The following FAM184B variants were observed in gnomAD, a reference collection of about 807,000 sequenced individuals.
The protein encoded by FAM184B is family with sequence similarity 184 member B, also known as protein FAM184B.
FAM184B carries 111 observed loss-of-function variants against 135.9 expected under a neutral mutation model. That is an observed-to-expected ratio of 0.82 (90% CI 0.70 to 0.96). The LOEUF is 0.96. Ranked by LOEUF, FAM184B falls within the 40% of genes least tolerant of loss-of-function variation. The pLI is 0.00. For synonymous variants in FAM184B, 552 were observed against 524.8 expected (o/e 1.05, Z -0.71); for missense variants, 1,375 against 1,323.9 (o/e 1.04, Z -0.60).
chr4:17,669,133 A>C (rs1475522958), intron 7 of FAM184B, among the ~76,000 whole-genome samples: 2 of 152,216 alleles, frequency 1.3e-5, no homozygotes, highest in African/African-American at 4.8e-5. Context: ...GCTGTTTGAC[A>C]TGAACTGGTC....
chr4:17,762,285 A>T (rs906369211), intron 1 of FAM184B, among the ~76,000 whole-genome samples: 1 of 152,196 alleles, frequency 6.6e-6, no homozygotes. Context: ...TGAGTTTCAG[A>T]CTCAGAAAAG....
intron 6 of FAM184B, 147 bp from the exon 7 acceptor site, chr4:17,688,678 GC>G: frequency 4.8e-6 from 1 of 208,804 alleles, no homozygotes; most frequent in South Asian, 1.2e-4. Context: ...TTCTAGAAAT[GC>G]CTTTTTTTTT....
chr4:17,662,590 G>A (rs529753119), intron 8 of FAM184B, among the ~76,000 whole-genome samples: 3 of 152,276 alleles, frequency 2.0e-5, no homozygotes, highest in East Asian at 3.9e-4. Flanking sequence ...CACCGGCCTC[G>A]GCCTCCCAAA....
intron 1 of FAM184B, among the ~76,000 whole-genome samples, chr4:17,759,621 T>G (rs1718497693): frequency 6.6e-6 from 1 of 152,000 alleles, no homozygotes; most frequent in Non-Finnish European, 1.5e-5. Context: ...GCCTCCCGAG[T>G]AGCTGAGATT....
At chr4:17,659,578 C>T (rs1408126549) in intron 9 of FAM184B, among the ~76,000 whole-genome samples, 1 of 152,088 alleles carries the variant, frequency 6.6e-6, no homozygotes, top group Admixed American at 6.6e-5. Context: ...CCTCTGCCTC[C>T]CAGGTTCAAG....
intron 1 of FAM184B, among the ~76,000 whole-genome samples, chr4:17,715,089 C>T (rs1717378356): frequency 2.0e-5 from 3 of 152,038 alleles, no homozygotes; most frequent in South Asian, 4.2e-4. Context: ...ATATTTTCAC[C>T]GTCTTTTATA....
chr4:17,631,429 T>TGTTGGGATTA lies in FAM184B; in HGVS notation c.*1093_*1102dup. The TGTTGGGATTA allele has an allele frequency of 6.6e-6, 1 of 152,290 alleles. No homozygotes were observed. Among genetic ancestry groups the TGTTGGGATTA allele is most frequent in the East Asian group, 1.9e-4 (1 of 5,170 alleles). The allele number at this position is 152,290 out of a possible 1,614,324, so 9.4% of individuals were successfully genotyped here. A position where few individuals can be genotyped will look rare whatever the true frequency, so the allele number is the denominator to read the frequency against. The stretch of plus-strand genomic sequence containing the variant: ...CTCCTCCCATCTCAGCCTCCCAAAG[T>TGTTGGGATTA]GTTGGGATTACAGGCATGAGCCATG... On this transcript the variant is annotated 3_prime_UTR_variant, in exon 18 of 18. Transcript: ENST00000265018.
At chr4:17,759,203 C>G (rs1309433587) in intron 1 of FAM184B, among the ~76,000 whole-genome samples, 3 of 152,166 alleles carry the variant, frequency 2.0e-5, no homozygotes, top group Admixed American at 6.5e-5. Flanking sequence ...TGTGTCCCCA[C>G]TGAAATTGCA....
chr4:17,648,377 C>T (rs1489685420), intron 11 of FAM184B, among the ~76,000 whole-genome samples: 1 of 151,732 alleles, frequency 6.6e-6, no homozygotes, highest in African/African-American at 2.4e-5. Context: ...GATGGAGTCT[C>T]GGTTTGTTTC....
chr4:17,638,224 T>A (rs1038102723), intron 14 of FAM184B, among the ~76,000 whole-genome samples: 5 of 148,762 alleles, frequency 3.4e-5, no homozygotes, highest in African/African-American at 1.2e-4. Flanking sequence ...TTTCTCTCTC[T>A]GTAGCCCAGG....
chr4:17,663,128 G>A (rs1715958071), intron 8 of FAM184B, among the ~76,000 whole-genome samples: 1 of 151,940 alleles, frequency 6.6e-6, no homozygotes, highest in South Asian at 2.1e-4. Context: ...GTAGAGACAG[G>A]GTTTTGCCAT....
chr4:17,653,869 C>T lies in FAM184B; in HGVS notation c.2038-886G>A, dbSNP rs544442767. Reference sequence around the variant, plus strand: ...ATCACAAGGGTCCTTATAAGAGGGCCGTAGGAGGCTCAGTGAGAAAAGAGT... The same window carrying T: ...ATCACAAGGGTCCTTATAAGAGGGCTGTAGGAGGCTCAGTGAGAAAAGAGT... On this transcript the variant is annotated intron_variant, in intron 10 of 17. Transcript: ENST00000265018. 2.4e-3 allele frequency among the ~76,000 whole-genome samples: 57 copies of T among 24,088 alleles called. No individual in the cohort carries two copies. The South Asian group carries it at 0.063, about 27-fold the overall frequency. The allele number at this position is 24,088 out of a possible 152,430, so 15.8% of individuals were successfully genotyped here. A position where few individuals can be genotyped will look rare whatever the true frequency, so the allele number is the denominator to read the frequency against.
chr4:17,651,167 A>G (rs552289416), intron 11 of FAM184B, among the ~76,000 whole-genome samples: 4 of 152,354 alleles, frequency 2.6e-5, no homozygotes, highest in Non-Finnish European at 5.9e-5. Flanking sequence ...GAAAGATGAC[A>G]GTAAAGGAGA....
At position 17,664,573 on chromosome 4, in the gene FAM184B, A is replaced by C; in HGVS notation, c.1683T>G (p.Asp561Glu). 6.4e-7 allele frequency: 1 copy of C among 1,551,376 alleles called. No individual in the cohort carries two copies. Among genetic ancestry groups the C allele is most frequent in the Admixed American group, 2.0e-5 (1 of 50,934 alleles). The change falls in exon 8 of 18, where the codon GAT becomes GAG. Residue 561 changes from aspartate (D) to glutamate (E), a missense_variant. Coordinates refer to ENST00000265018, the MANE Select transcript of FAM184B (RefSeq NM_015688.2). ...KLAAEEGTSS[D>E]EEERTKVLLK... ...ATGTCCTCCTGTACCTTTCTTCTTC[A>C]TCACTGCTGGTTCCTTCTTCAGCTG...
At chr4:17,634,535 G>A (rs1249858001) in intron 16 of FAM184B, among the ~76,000 whole-genome samples, 2 of 152,188 alleles carry the variant, frequency 1.3e-5, no homozygotes, top group Admixed American at 1.3e-4. Flanking sequence ...CGTTGGCCAG[G>A]CTGGTCTTGA....
chr4:17,710,647 T>G (rs1296091302), intron 1 of FAM184B, among the ~76,000 whole-genome samples: 1 of 152,132 alleles, frequency 6.6e-6, no homozygotes, highest in Non-Finnish European at 1.5e-5. Context: ...AAGACAAAGA[T>G]GTCTGTTCTC....
intron 12 of FAM184B, among the ~76,000 whole-genome samples, chr4:17,645,662 C>T (rs1236318947): frequency 3.9e-5 from 6 of 152,026 alleles, no homozygotes; most frequent in Admixed American, 2.0e-4. Flanking sequence ...AGGACATAGG[C>T]ATGGGCAAGG....
At chr4:17,779,183 A>G (rs1197697591) in intron 1 of FAM184B, among the ~76,000 whole-genome samples, 7 of 152,350 alleles carry the variant, frequency 4.6e-5, no homozygotes, top group African/African-American at 1.4e-4. Context: ...ATCTGATGGA[A>G]GAAGAGCCCA....
intron 12 of FAM184B, among the ~76,000 whole-genome samples, chr4:17,643,633 G>GC (rs1715386082): frequency 6.6e-6 from 1 of 152,222 alleles, no homozygotes; most frequent in Non-Finnish European, 1.5e-5. Context: ...CCCTCTGCTA[G>GC]ACCTAACCAC....
Sources: gnomAD v4.1 joint callset for allele counts (sites outside exome capture counted in the v4.1 genomes callset) on GRCh38, gnomAD v4.1.1 for gene constraint, MANE v1.5 for transcripts, NCBI Gene and HGNC (gene_info 2026-07-23, HGNC 2026-07-21) for gene names.